ZCCHC7: variants seen among roughly 807,000 people sequenced by gnomAD.
ZCCHC7 encodes the protein zinc finger CCHC-type containing 7.
ZCCHC7 carries 35 observed loss-of-function variants against 52.0 expected under a neutral mutation model. That is an observed-to-expected ratio of 0.67 (90% confidence interval 0.51 to 0.89). ZCCHC7 has a LOEUF of 0.89. Among genes scored for constraint, ZCCHC7 ranks in the 40% least tolerant of loss-of-function variants. The pLI, the probability that ZCCHC7 is intolerant of heterozygous loss-of-function variation, is 0.00. For synonymous variants in ZCCHC7, 217 were observed against 221.5 expected, an observed-to-expected ratio of 0.98 and a Z score of 0.18; for missense variants, 574 against 649.1, an observed-to-expected ratio of 0.88 and a Z score of 1.26.
intron 2 of ZCCHC7, among the ~76,000 whole-genome samples, chr9:37,290,783 ATTGGACCC>A (rs1209317820): frequency 6.6e-6 from 1 of 152,228 alleles, no homozygotes; most frequent in Non-Finnish European, 1.5e-5. Context: ...GTGTGGGTAC[ATTGGACCC>A]TTTTATAAAT....
intron 2 of ZCCHC7, among the ~76,000 whole-genome samples, chr9:37,242,850 T>G (rs1458510867): frequency 6.6e-6 from 1 of 151,850 alleles, no homozygotes; most frequent in African/African-American, 2.4e-5. Context: ...GAAAGTATAT[T>G]TGAACTTCAG....
chr9:37,249,854 A>T (rs563290695), intron 2 of ZCCHC7, among the ~76,000 whole-genome samples: 2 of 152,312 alleles, frequency 1.3e-5, no homozygotes, highest in South Asian at 4.1e-4. Flanking sequence ...GTCTCCTGGA[A>T]TACAACATAG....
intron 2 of ZCCHC7, among the ~76,000 whole-genome samples, chr9:37,208,556 T>C (rs907752224): frequency 5.9e-5 from 9 of 152,220 alleles, no homozygotes; most frequent in Non-Finnish European, 1.2e-4. Context: ...ACAGATCATA[T>C]TGAGTGATGA....
At chr9:37,222,850 C>T (rs1161283749) in intron 2 of ZCCHC7, among the ~76,000 whole-genome samples, 1 of 152,026 alleles carries the variant, frequency 6.6e-6, no homozygotes, top group Non-Finnish European at 1.5e-5. Context: ...TAAAGAAACG[C>T]TCTAGTGGGG....
intron 2 of ZCCHC7, among the ~76,000 whole-genome samples, chr9:37,241,151 G>A (rs1019570740): frequency 1.9e-4 from 29 of 151,656 alleles, no homozygotes; most frequent in African/African-American, 7.0e-4. Flanking sequence ...TTATTTTGAT[G>A]TTTATTTAAG....
intron 2 of ZCCHC7, among the ~76,000 whole-genome samples, chr9:37,189,283 T>C (rs951679693): frequency 6.6e-5 from 10 of 152,032 alleles, no homozygotes; most frequent in Admixed American, 2.6e-4. Context: ...CATTGAGGTT[T>C]TCCTGATTCT....
At chr9:37,228,827 AG>A (rs1179219083) in intron 2 of ZCCHC7, among the ~76,000 whole-genome samples, 2 of 150,326 alleles carry the variant, frequency 1.3e-5, no homozygotes, top group South Asian at 4.2e-4. Flanking sequence ...TATGTGAAAA[AG>A]AGGGAACTTT....
At chr9:37,323,133 A>G (rs1184992788) in intron 5 of ZCCHC7, among the ~76,000 whole-genome samples, 1 of 152,168 alleles carries the variant, frequency 6.6e-6, no homozygotes, top group Non-Finnish European at 1.5e-5. Flanking sequence ...CTGGATTAGA[A>G]TCCAGCCATT....
At chr9:37,265,007 A>G (rs1387284414) in intron 2 of ZCCHC7, among the ~76,000 whole-genome samples, 1 of 152,176 alleles carries the variant, frequency 6.6e-6, no homozygotes, top group Non-Finnish European at 1.5e-5. Flanking sequence ...AGTGTAGGGT[A>G]GATGATAAAT....
In ZCCHC7 at chr9:37,248,681, C is replaced by T. The variant is rs1826184926; in HGVS notation, c.611-53507C>T. On this transcript the variant is annotated intron_variant, in intron 2 of 8. Transcript: ENST00000336755. Reference sequence around the variant, plus strand: ...GTGCCTTCATGTGAATCCCTGAAGACACCATGATGAAATTGATAAGCATGT... The same window carrying T: ...GTGCCTTCATGTGAATCCCTGAAGATACCATGATGAAATTGATAAGCATGT... Among the ~76,000 whole-genome samples, 6 of 152,158 alleles carry T rather than the reference C, an allele frequency of 3.9e-5. No homozygotes were observed. The South Asian group carries it at 1.2e-3, about 32-fold the overall frequency.
chr9:37,185,033 C>A (rs1432322468), intron 2 of ZCCHC7, among the ~76,000 whole-genome samples: 1 of 152,106 alleles, frequency 6.6e-6, no homozygotes, highest in African/African-American at 2.4e-5. Context: ...TTGGAACTTG[C>A]TGAGATCTTT....
intron 2 of ZCCHC7, among the ~76,000 whole-genome samples, chr9:37,198,180 A>C: frequency 6.6e-6 from 1 of 151,966 alleles, no homozygotes; most frequent in Middle Eastern, 3.4e-3. Context: ...TTTTCATTTT[A>C]TTTCATCATT....
intron 2 of ZCCHC7, among the ~76,000 whole-genome samples, chr9:37,189,466 A>G (rs369138596): frequency 6.6e-5 from 10 of 152,130 alleles, no homozygotes; most frequent in Non-Finnish European, 1.3e-4. Context: ...GGCTCACTGC[A>G]ACCTCTGCTT....
intron 1 of ZCCHC7, among the ~76,000 whole-genome samples, chr9:37,124,423 T>G (rs1842454951): frequency 6.6e-6 from 1 of 151,638 alleles, no homozygotes; most frequent in African/African-American, 2.4e-5. Flanking sequence ...TGCCCGATGG[T>G]GTAGTTCATT....
intron 2 of ZCCHC7, among the ~76,000 whole-genome samples, chr9:37,282,152 A>G (rs1335684363): frequency 6.6e-6 from 1 of 152,210 alleles, no homozygotes; most frequent in Non-Finnish European, 1.5e-5. Context: ...CAAAAATAAA[A>G]TATTAACTTG....
intron 2 of ZCCHC7, among the ~76,000 whole-genome samples, chr9:37,154,368 G>A (rs1273697815): frequency 6.6e-6 from 1 of 152,216 alleles, no homozygotes; most frequent in Non-Finnish European, 1.5e-5. Context: ...CCCATTTTGA[G>A]AGATGAACTG....
At chr9:37,289,069 C>T (rs1423698332) in intron 2 of ZCCHC7, among the ~76,000 whole-genome samples, 1 of 152,128 alleles carries the variant, frequency 6.6e-6, no homozygotes, top group African/African-American at 2.4e-5. Flanking sequence ...TGTTCCTCTG[C>T]ATTTTTTAGT....
At chr9:37,321,753 A>G (rs1213555935) in intron 5 of ZCCHC7, among the ~76,000 whole-genome samples, 1 of 152,180 alleles carries the variant, frequency 6.6e-6, no homozygotes, top group Non-Finnish European at 1.5e-5. Context: ...GCAACAGAGT[A>G]AGACTCTGTC....
chr9:37,127,950 G>T (rs1295916236), intron 2 of ZCCHC7, among the ~76,000 whole-genome samples: 3 of 152,228 alleles, frequency 2.0e-5, no homozygotes, highest in Admixed American at 2.0e-4. Context: ...GGGGGTGGCT[G>T]TTCTCAGTAA....
Sources: gnomAD v4.1 joint callset for allele counts (sites outside exome capture counted in the v4.1 genomes callset) on GRCh38, gnomAD v4.1.1 for gene constraint, MANE v1.5 for transcripts, NCBI Gene and HGNC (gene_info 2026-07-23, HGNC 2026-07-21) for gene names.